Variants in ARHGAP42 observed in about 807,000 individuals in gnomAD.
ARHGAP42 encodes Rho GTPase activating protein 42, also known as rho GTPase-activating protein 42.
Under a neutral mutation model 125.0 loss-of-function variants are expected in ARHGAP42, and 63 were observed. The observed-to-expected ratio is 0.50, with a 90% CI of 0.41 to 0.62. The LOEUF (loss-of-function observed/expected upper bound fraction) is 0.62, where lower values mean the gene tolerates loss of function less well. ARHGAP42 is among the 20% of genes least tolerant of loss of function. The pLI is 0.00. For synonymous variants in ARHGAP42, 339 were observed against 351.0 expected, an observed-to-expected ratio of 0.97 and a Z score of 0.38; for missense variants, 766 against 1,024.2, an observed-to-expected ratio of 0.75 and a Z score of 3.44.
At chr11:100,888,575 C>T (rs1189479420) in intron 4 of ARHGAP42, among the ~76,000 whole-genome samples, 4 of 151,922 alleles carry the variant, frequency 2.6e-5, no homozygotes, top group East Asian at 1.9e-4. Flanking sequence ...ACGTGTCAAA[C>T]GATGTTGTTA....
chr11:100,891,538 G>A (rs1866219230), intron 4 of ARHGAP42, among the ~76,000 whole-genome samples: 3 of 150,300 alleles, frequency 2.0e-5, no homozygotes, highest in Admixed American at 6.7e-5. Flanking sequence ...TGCCTCCTGG[G>A]TTCAAGCAAT....
At chr11:100,905,586 C>T (rs1866706784) in intron 4 of ARHGAP42, among the ~76,000 whole-genome samples, 1 of 151,518 alleles carries the variant, frequency 6.6e-6, no homozygotes, top group South Asian at 2.1e-4. Flanking sequence ...TCTATGATTA[C>T]TTTTTTTGCC....
intron 12 of ARHGAP42, among the ~76,000 whole-genome samples, chr11:100,950,900 G>C (rs766264667): frequency 6.6e-6 from 1 of 151,518 alleles, no homozygotes; most frequent in Non-Finnish European, 1.5e-5. Flanking sequence ...TTTTTTAATA[G>C]AGATGAGGTC....
chr11:100,767,353 T>G (rs1402663042), intron 1 of ARHGAP42, among the ~76,000 whole-genome samples: 3 of 152,174 alleles, frequency 2.0e-5, no homozygotes, highest in Non-Finnish European at 2.9e-5. Context: ...ACTTAATTAT[T>G]GGTAGAAGCA....
intron 3 of ARHGAP42, among the ~76,000 whole-genome samples, chr11:100,848,188 G>A (rs1865115741): frequency 6.6e-6 from 1 of 152,064 alleles, no homozygotes; most frequent in Admixed American, 6.6e-5. Context: ...TAATTTTGAT[G>A]GTTGTAACAT....
chr11:100,927,486 A>G (rs2135252930), intron 6 of ARHGAP42, among the ~76,000 whole-genome samples: 1 of 152,324 alleles, frequency 6.6e-6, no homozygotes, highest in Admixed American at 6.5e-5. Context: ...GATAAATCTA[A>G]AGTTCAGGGT....
At chr11:100,756,585 C>CGG (rs1862582872) in intron 1 of ARHGAP42, among the ~76,000 whole-genome samples, 1 of 152,116 alleles carries the variant, frequency 6.6e-6, no homozygotes, top group Non-Finnish European at 1.5e-5. Context: ...TGAATGGTGA[C>CGG]CCAATCATAG....
At chr11:100,699,232 C>A (rs1221854214) in intron 1 of ARHGAP42, among the ~76,000 whole-genome samples, 3 of 151,770 alleles carry the variant, frequency 2.0e-5, no homozygotes, top group African/African-American at 4.8e-5. Context: ...ATAAGTTTTT[C>A]TTTTCCTCCA....
At chr11:100,712,983 G>GA (rs1340817083) in intron 1 of ARHGAP42, among the ~76,000 whole-genome samples, 1 of 151,906 alleles carries the variant, frequency 6.6e-6, no homozygotes, top group East Asian at 1.9e-4. Context: ...ATGACATATC[G>GA]AAAATATCAT....
At chr11:100,828,328 C>A (rs7927459) in intron 3 of ARHGAP42, among the ~76,000 whole-genome samples, 3 of 151,992 alleles carry the variant, frequency 2.0e-5, no homozygotes, top group Non-Finnish European at 4.4e-5. Context: ...TTAGAGCTTT[C>A]TTTATTTCAA....
intron 4 of ARHGAP42, among the ~76,000 whole-genome samples, chr11:100,875,103 CTCTCTGTGTGTGTGTG>C (rs1286575146): frequency 1.5e-3 from 82 of 52,934 alleles, no homozygotes; most frequent in African/African-American, 3.6e-3. Flanking sequence ...CTCTCTCTCT[CTCTCTGTGTGTGTGTG>C]TGTGTGTGTG....
intron 20 of ARHGAP42, 76 bp from the exon 21 acceptor site, chr11:100,976,739 G>T (rs576050112): frequency 6.7e-7 from 1 of 1,499,648 alleles, no homozygotes; most frequent in South Asian, 1.3e-5. Context: ...GCTTCCTTTT[G>T]TTATGCACAT....
rs944510392 is a variant in ARHGAP42 at position 100,973,350 on chromosome 11, A to C, written c.1710+16A>C. ...CTATGAAAAGGTAGGCGGAATTTTC[A>C]TGTGGAAGTGTCAAGTTTTATATCT... On this transcript the variant is annotated intron_variant, in intron 18 of 23. Transcript: ENST00000298815. 1 of 1,547,806 alleles carries C rather than the reference A, an allele frequency of 6.5e-7. No individual in the cohort carries two copies. The highest frequency in any genetic ancestry group is 8.7e-7 in the Non-Finnish European group (1 of 1,145,796).
intron 16 of ARHGAP42, among the ~76,000 whole-genome samples, chr11:100,965,421 G>A (rs1003791483): frequency 1.3e-5 from 2 of 152,144 alleles, no homozygotes; most frequent in African/African-American, 4.8e-5. Flanking sequence ...ATACAGTTCA[G>A]TGGCTAAGAG....
intron 5 of ARHGAP42, among the ~76,000 whole-genome samples, chr11:100,915,704 A>C (rs1434087193): frequency 6.6e-6 from 1 of 152,166 alleles, no homozygotes; most frequent in South Asian, 2.1e-4. Context: ...AGATAATAGC[A>C]TAGTAACATC....
At chr11:100,693,155 C>T (rs1004338876) in intron 1 of ARHGAP42, among the ~76,000 whole-genome samples, 4 of 148,258 alleles carry the variant, frequency 2.7e-5, no homozygotes, top group Non-Finnish European at 4.4e-5. Context: ...TAAATTTGCA[C>T]GTAGGTTTTT....
At chr11:100,938,917 T>A (rs1451478971) in intron 8 of ARHGAP42, among the ~76,000 whole-genome samples, 3 of 152,158 alleles carry the variant, frequency 2.0e-5, no homozygotes, top group African/African-American at 7.2e-5. Flanking sequence ...ATATTTGGCT[T>A]CAAGATTTTT....
chr11:100,883,528 A>G (rs1421432371), intron 4 of ARHGAP42, among the ~76,000 whole-genome samples: 1 of 151,924 alleles, frequency 6.6e-6, no homozygotes, highest in Non-Finnish European at 1.5e-5. Flanking sequence ...TTTTTAGTAG[A>G]GATGGGGCTT....
At chr11:100,702,014 GTA>G (rs1427011652) in intron 1 of ARHGAP42, among the ~76,000 whole-genome samples, 1 of 151,956 alleles carries the variant, frequency 6.6e-6, no homozygotes, top group Admixed American at 6.6e-5. Flanking sequence ...GCTGGGCATG[GTA>G]TATTACACCT....
Sources: allele counts gnomAD v4.1 joint callset (sites outside exome capture counted in the v4.1 genomes callset), GRCh38; gene constraint gnomAD v4.1.1; transcripts MANE v1.5; gene names NCBI Gene and HGNC (gene_info 2026-07-23, HGNC 2026-07-21).